Variants in DACH1 observed in about 807,000 individuals in gnomAD.
The protein encoded by DACH1 is dachshund family transcription factor 1, also known as dachshund homolog 1.
A neutral mutation model predicts 54.2 loss-of-function variants in DACH1; 12 were observed. The ratio of observed to expected loss-of-function variants is 0.22; its 90% CI spans 0.14 to 0.36. The LOEUF (loss-of-function observed/expected upper bound fraction) is 0.36. DACH1 is among the 10% of genes least tolerant of loss of function. The pLI, the probability that DACH1 is intolerant of heterozygous loss-of-function variation, is 1.00. For synonymous variants in DACH1, 386 were observed against 366.2 expected, an observed-to-expected ratio of 1.05 and a Z score of -0.62; for missense variants, 805 against 929.8, an observed-to-expected ratio of 0.87 and a Z score of 1.75.
intron 6 of DACH1, among the ~76,000 whole-genome samples, chr13:71,533,791 C>G (rs1307030213): frequency 1.3e-5 from 2 of 151,734 alleles, no homozygotes; most frequent in African/African-American, 4.8e-5. Context: ...CACACACACA[C>G]TTTACTGTAT....
At position 71,475,626 on chromosome 13, in the gene DACH1, A is replaced by G. The variant is rs575747723; in HGVS notation, c.2014+80T>C. 6.1e-6 allele frequency: 9 copies of G among 1,471,422 alleles called. 1 individual carries two copies. The African/African-American group carries it at 7.1e-5, about 12-fold the overall frequency. The allele number at this position is 1,471,422 out of a possible 1,614,324, so 91.1% of individuals were successfully genotyped here. ...TGAATCACAAGATATAGAAACATAC[A>G]AAACTACAAACACATGCCTAAACTG... is the stretch of plus-strand genomic sequence containing the variant. On this transcript the variant is annotated intron_variant, in intron 9 of 10. Transcript: ENST00000613252.
rs903990479 is a variant in DACH1, at chr13:71,795,571, CAT to C, written c.848+70349_848+70350del. On this transcript the variant is annotated intron_variant, in intron 1 of 10. Coordinates refer to ENST00000613252, the MANE Select transcript of DACH1 (RefSeq NM_080759.6). ...ATTCCTCCAAATGAGGGAAAGAAAA[CAT>C]ATCATGTACCTTTCTATGCACTTAG... Among the ~76,000 whole-genome samples, 16 of 152,114 alleles carry C rather than the reference CAT, an allele frequency of 1.1e-4. No individual in the cohort carries two copies. In the South Asian group the frequency reaches 1.4e-3, roughly 14 times the overall value.
intron 10 of DACH1, among the ~76,000 whole-genome samples, chr13:71,449,958 T>C (rs1874872011): frequency 6.7e-6 from 1 of 149,812 alleles, no homozygotes; most frequent in African/African-American, 2.4e-5. Flanking sequence ...TTTGGAGATA[T>C]ACCTAATGTT....
At chr13:71,605,915 T>C (rs1156341135) in intron 3 of DACH1, among the ~76,000 whole-genome samples, 1 of 151,944 alleles carries the variant, frequency 6.6e-6, no homozygotes, top group Non-Finnish European at 1.5e-5. Context: ...TTAGACTCAG[T>C]AGGGACTGTG....
intron 3 of DACH1, among the ~76,000 whole-genome samples, chr13:71,597,227 A>C (rs910367411): frequency 6.6e-6 from 1 of 152,182 alleles, no homozygotes; most frequent in African/African-American, 2.4e-5. Context: ...CTAGGTCACT[A>C]TAAGAGTAGA....
intron 6 of DACH1, among the ~76,000 whole-genome samples, chr13:71,526,348 C>G (rs1390893061): frequency 6.6e-6 from 1 of 152,054 alleles, no homozygotes; most frequent in Admixed American, 6.6e-5. Flanking sequence ...AAGGTCTTTT[C>G]TGTCTTCACT....
chr13:71,661,030 G>C (rs1594063530), intron 2 of DACH1, among the ~76,000 whole-genome samples: 1 of 149,124 alleles, frequency 6.7e-6, no homozygotes. Flanking sequence ...GATTGTTATA[G>C]AACAATCTCA....
intron 3 of DACH1, among the ~76,000 whole-genome samples, chr13:71,602,075 G>C (rs991412324): frequency 6.6e-6 from 1 of 151,896 alleles, no homozygotes; most frequent in Admixed American, 6.6e-5. Flanking sequence ...CAGAATATCA[G>C]GCTATGGATA....
intron 1 of DACH1, among the ~76,000 whole-genome samples, chr13:71,777,455 A>C (rs1886111666): frequency 6.6e-6 from 1 of 152,184 alleles, no homozygotes; most frequent in Admixed American, 6.5e-5. Flanking sequence ...GTTGATGCTA[A>C]TCAAACTTAG....
At chr13:71,597,848 G>A (rs531055895) in intron 3 of DACH1, among the ~76,000 whole-genome samples, 2 of 152,162 alleles carry the variant, frequency 1.3e-5, no homozygotes, top group Non-Finnish European at 2.9e-5. Flanking sequence ...CGGGCAGGGT[G>A]GCACATGCCT....
chr13:71,850,089 T>C (rs1387070246), intron 1 of DACH1, among the ~76,000 whole-genome samples: 1 of 152,210 alleles, frequency 6.6e-6, no homozygotes. Flanking sequence ...CAAGCACTTA[T>C]ATTTCCTATA....
intron 3 of DACH1, among the ~76,000 whole-genome samples, chr13:71,609,239 A>G (rs994281206): frequency 2.6e-5 from 4 of 152,138 alleles, no homozygotes; most frequent in Non-Finnish European, 4.4e-5. Context: ...AATCCACATC[A>G]TCCATATCTC....
intron 1 of DACH1, among the ~76,000 whole-genome samples, chr13:71,735,071 G>C (rs571373185): frequency 4.7e-5 from 7 of 150,078 alleles, no homozygotes; most frequent in African/African-American, 1.7e-4. Flanking sequence ...ACATATATAT[G>C]GGATATACGT....
chr13:71,794,531 C>T (rs768422855), intron 1 of DACH1, among the ~76,000 whole-genome samples: 20 of 152,106 alleles, frequency 1.3e-4, no homozygotes, highest in Non-Finnish European at 2.6e-4. Flanking sequence ...CTCCACCTCC[C>T]GGGTTCAAGT....
intron 1 of DACH1, among the ~76,000 whole-genome samples, chr13:71,793,340 G>A (rs1004418573): frequency 2.6e-5 from 4 of 152,156 alleles, no homozygotes; most frequent in Non-Finnish European, 5.9e-5. Flanking sequence ...GAAAATAGAA[G>A]TGGTAGAAGA....
At chr13:71,475,970 C>T (rs1446470923) in intron 8 of DACH1, 121 bp from the exon 9 acceptor site, 3 of 721,736 alleles carry the variant, frequency 4.2e-6, no homozygotes, top group Non-Finnish European at 5.8e-6. Flanking sequence ...CTGAGTCTAC[C>T]TATAAAAAGA....
intron 7 of DACH1, among the ~76,000 whole-genome samples, chr13:71,485,618 T>C (rs1359246525): frequency 1.4e-5 from 2 of 146,782 alleles, no homozygotes; most frequent in Non-Finnish European, 3.0e-5. Flanking sequence ...GGGAGTCTTG[T>C]TCTGTCGCCA....
chr13:71,654,448 A>AAAG (rs1878931600), intron 2 of DACH1, among the ~76,000 whole-genome samples: 20 of 105,214 alleles, frequency 1.9e-4, no homozygotes, highest in South Asian at 1.2e-3. Context: ...ATAAAATAAA[A>AAAG]TAAAATAAAG....
Position 71,831,516 on chromosome 13 carries a change from G to A in DACH1, c.848+34406C>T, listed in dbSNP as rs574688787. Among the ~76,000 whole-genome samples the A allele has an allele frequency of 2.0e-5, 3 of 151,832 alleles. No individual in the cohort carries two copies. In the South Asian group the frequency reaches 6.2e-4, roughly 31 times the overall value. ...TAAAATGAGTCCTAACATAACTTGT[G>A]ATATATAGGGTGGGCTTTTTTCTGT... On this transcript the variant is annotated intron_variant, in intron 1 of 10. Coordinates refer to ENST00000613252, the MANE Select transcript of DACH1 (RefSeq NM_080759.6).
Sources: allele counts gnomAD v4.1 joint callset (sites outside exome capture counted in the v4.1 genomes callset), GRCh38; gene constraint gnomAD v4.1.1; transcripts MANE v1.5; gene names NCBI Gene and HGNC (gene_info 2026-07-23, HGNC 2026-07-21).